Variants in DRC8 observed in about 807,000 individuals in gnomAD.
DRC8 encodes dynein regulatory complex subunit 8, also known as dynein regulatory complex protein 8.
the DRC8 span, among the ~76,000 whole-genome samples, chr1:244,990,184 A>G: frequency 2.0e-5 from 3 of 152,280 alleles, no homozygotes; most frequent in Admixed American, 6.5e-5. Flanking sequence ...ACCTCACTTC[A>G]TCTCATCACG....
At chr1:245,116,553 A>G in the DRC8 span, among the ~76,000 whole-genome samples, 4 of 152,308 alleles carry the variant, frequency 2.6e-5, no homozygotes, top group East Asian at 5.8e-4. Flanking sequence ...CACCTCGTCA[A>G]ACAGAGGTGG....
At chr1:245,072,194 T>C in the DRC8 span, among the ~76,000 whole-genome samples, 1 of 152,258 alleles carries the variant, frequency 6.6e-6, no homozygotes, top group African/African-American at 2.4e-5. Flanking sequence ...AGTGGGTGAA[T>C]GGATAAATAA....
chr1:245,001,013 A>G, the DRC8 span, among the ~76,000 whole-genome samples: 1 of 152,044 alleles, frequency 6.6e-6, no homozygotes, highest in Non-Finnish European at 1.5e-5. Flanking sequence ...AGGCAGAGAG[A>G]GGGGCATGAA....
chr1:245,081,043 G>C, the DRC8 span, among the ~76,000 whole-genome samples: 2 of 152,204 alleles, frequency 1.3e-5, no homozygotes, highest in African/African-American at 4.8e-5. Context: ...CTCTAAATCA[G>C]CTGGAGTGTT....
At chr1:245,122,123 G>A in the DRC8 span, 4 of 240,164 alleles carry the variant, frequency 1.7e-5, no homozygotes, top group Admixed American at 5.5e-5. Flanking sequence ...TCCTGGTCTC[G>A]AACTCCTGAC....
At chr1:245,002,966 C>T in the DRC8 span, among the ~76,000 whole-genome samples, 290 of 152,284 alleles carry the variant, frequency 1.9e-3, 2 homozygotes, top group African/African-American at 6.6e-3. Flanking sequence ...ATCTCCCCCT[C>T]CTGGAAACTA....
the DRC8 span, among the ~76,000 whole-genome samples, chr1:245,044,724 G>A: frequency 2.0e-5 from 3 of 151,820 alleles, no homozygotes; most frequent in Admixed American, 6.6e-5. Context: ...CTGCCACCAC[G>A]CCTGGCTATT....
chr1:245,115,887 CTTT>C, the DRC8 span, among the ~76,000 whole-genome samples: 189 of 144,994 alleles, frequency 1.3e-3, no homozygotes, highest in Middle Eastern at 3.6e-3. Context: ...GATCCTATCT[CTTT>C]TTTTTTTTTT....
the DRC8 span, chr1:244,970,638 T>TCAGCC: frequency 2.1e-6 from 1 of 486,220 alleles, no homozygotes; most frequent in African/African-American, 3.5e-5. Context: ...GGCCCGCCGC[T>TCAGCC]CCGCCCCGCC....
chr1:245,002,293 T>A, the DRC8 span: 8 of 1,392,538 alleles, frequency 5.7e-6, no homozygotes, highest in Admixed American at 5.9e-5. Flanking sequence ...TCTCTCTGCC[T>A]CCAGCCTTGC....
chr1:245,016,330 C>T, the DRC8 span, among the ~76,000 whole-genome samples: 1 of 152,158 alleles, frequency 6.6e-6, no homozygotes, highest in Non-Finnish European at 1.5e-5. Flanking sequence ...GATCTTATTT[C>T]TTACTCTTCT....
the DRC8 span, among the ~76,000 whole-genome samples, chr1:245,096,980 A>G: frequency 6.6e-6 from 1 of 152,232 alleles, no homozygotes; most frequent in African/African-American, 2.4e-5. Flanking sequence ...AGTAAGTGGT[A>G]TCTGTCATTA....
the DRC8 span, among the ~76,000 whole-genome samples, chr1:245,007,194 A>G: frequency 1.3e-5 from 2 of 151,984 alleles, no homozygotes; most frequent in Admixed American, 6.6e-5. Context: ...GTTGTGGGCC[A>G]TTCTGTATGA....
At chr1:245,108,692 C>G in the DRC8 span, among the ~76,000 whole-genome samples, 1 of 152,108 alleles carries the variant, frequency 6.6e-6, no homozygotes, top group African/African-American at 2.4e-5. Flanking sequence ...CTCCTCTCAG[C>G]TCTCTTTTCT....
chr1:245,114,067 TCC>T, the DRC8 span, among the ~76,000 whole-genome samples: 1 of 152,220 alleles, frequency 6.6e-6, no homozygotes, highest in South Asian at 2.1e-4. Context: ...TTTAAAAGCA[TCC>T]AAAAGCAGGA....
At chr1:245,017,208 G>C in the DRC8 span, 14 of 1,576,718 alleles carry the variant, frequency 8.9e-6, no homozygotes, top group Non-Finnish European at 1.2e-5. Context: ...CAAAGCTAAA[G>C]TAAACTAATT....
the DRC8 span, among the ~76,000 whole-genome samples, chr1:244,993,408 T>C: frequency 1.3e-5 from 2 of 152,180 alleles, no homozygotes; most frequent in Admixed American, 1.3e-4. Flanking sequence ...GAATATCATA[T>C]CTAAATCAAG....
chr1:245,024,491 A>G, the DRC8 span, among the ~76,000 whole-genome samples: 1 of 151,206 alleles, frequency 6.6e-6, no homozygotes, highest in African/African-American at 2.4e-5. Context: ...TTTTTTCCCA[A>G]TCTAATATGT....
At chr1:244,994,664 G>T in the DRC8 span, among the ~76,000 whole-genome samples, 1 of 152,170 alleles carries the variant, frequency 6.6e-6, no homozygotes, top group South Asian at 2.1e-4. Context: ...TCCTGACCTC[G>T]TGATCTGCCG....
Sources: allele counts gnomAD v4.1 joint callset (sites outside exome capture counted in the v4.1 genomes callset), GRCh38; gene constraint gnomAD v4.1.1; transcripts MANE v1.5; gene names NCBI Gene and HGNC (gene_info 2026-07-23, HGNC 2026-07-21).